The following TMEM178B variants were observed in gnomAD, a reference collection of about 807,000 sequenced individuals.
TMEM178B encodes the protein transmembrane protein 178B.
TMEM178B carries 5 observed loss-of-function variants against 31.0 expected under a neutral mutation model. That is an observed-to-expected ratio of 0.16 (90% CI 0.08 to 0.34). The LOEUF (loss-of-function observed/expected upper bound fraction) is 0.34, where lower values mean the gene tolerates loss of function less well. TMEM178B is among the 10% of genes least tolerant of loss of function. The pLI, the probability that TMEM178B is intolerant of heterozygous loss-of-function variation, is 1.00. For missense variants in TMEM178B, 275 were observed against 400.3 expected, an observed-to-expected ratio of 0.69 and a Z score of 2.67; for synonymous variants, 164 against 164.0, an observed-to-expected ratio of 1.00 and a Z score of 0.00.
intron 3 of TMEM178B, among the ~76,000 whole-genome samples, chr7:141,470,008 T>C (rs965520081): frequency 1.3e-5 from 2 of 152,200 alleles, no homozygotes; most frequent in Non-Finnish European, 2.9e-5. Flanking sequence ...AAATGTCTTA[T>C]AGGAAAAAGG....
Position 141,344,574 on chromosome 7 carries a change from CCCTTCCTTCCTTCCTT to C in TMEM178B, c.497-92994_497-92979del, listed in dbSNP as rs34831263. Among the ~76,000 whole-genome samples, 2,102 of 137,302 alleles carry C rather than the reference CCCTTCCTTCCTTCCTT, an allele frequency of 0.015. 44 individuals are homozygous for C. The highest frequency in any genetic ancestry group is 0.048 in the African/African-American group (1,733 of 36,142). 90.1% of individuals were successfully genotyped at this position (137,302 alleles called of 152,430 possible). On this transcript the variant is annotated intron_variant, in intron 2 of 3. Transcript: ENST00000565468. The surrounding 1 kb of genome is among the most constrained non-coding windows in gnomAD (Gnocchi z 4.1). ...CTCCCTCCCTCCATTCCTCCCTCCT[CCCTTCCTTCCTTCCTT>C]CCTTCCTTCCTTCCTTCCTTCCTTC...
intron 2 of TMEM178B, among the ~76,000 whole-genome samples, chr7:141,360,618 G>T (rs1472794853): frequency 1.3e-5 from 2 of 152,208 alleles, no homozygotes; most frequent in Non-Finnish European, 2.9e-5. Flanking sequence ...GCAGCCTAAT[G>T]TTTCTTTGCC....
rs551673959 is a variant in TMEM178B, at chr7:141,155,275, C to A, written c.383-57316C>A. Among the ~76,000 whole-genome samples, 6 of 152,302 alleles carry A rather than the reference C, an allele frequency of 3.9e-5. No homozygotes were observed. The South Asian group carries it at 1.2e-3, about 32-fold the overall frequency. On this transcript the variant is annotated intron_variant, in intron 1 of 3. Coordinates refer to ENST00000565468, the MANE Select transcript of TMEM178B (RefSeq NM_001195278.2). ...ACATGTGAGTCGGGTACTCATCATA[C>A]AGGGATGCAGCCCATGGGGCTCTTG...
At chr7:141,076,254 T>C (rs1024882616) in intron 1 of TMEM178B, among the ~76,000 whole-genome samples, 3 of 152,222 alleles carry the variant, frequency 2.0e-5, no homozygotes, top group Non-Finnish European at 4.4e-5. Context: ...TTTTTGACAA[T>C]GAGTGACCTT....
At chr7:141,447,645 A>G (rs564010583) in intron 3 of TMEM178B, among the ~76,000 whole-genome samples, 31 of 152,108 alleles carry the variant, frequency 2.0e-4, no homozygotes, top group African/African-American at 7.2e-4. Context: ...CTCTCTGGCT[A>G]TGTCAGCCTC....
chr7:141,499,914 A>C, the TMEM178B span, among the ~76,000 whole-genome samples: 2 of 152,244 alleles, frequency 1.3e-5, no homozygotes, highest in African/African-American at 4.8e-5. Flanking sequence ...AATGTGATGT[A>C]TCTTTAAAAA....
chr7:141,084,396 G>T, intron 1 of TMEM178B, among the ~76,000 whole-genome samples: 1 of 152,190 alleles, frequency 6.6e-6, no homozygotes, highest in Admixed American at 6.5e-5. Flanking sequence ...ACAATGCCAG[G>T]CACATTACTT....
chr7:141,441,874 G>A (rs2116689284), intron 3 of TMEM178B, among the ~76,000 whole-genome samples: 1 of 152,264 alleles, frequency 6.6e-6, no homozygotes, highest in South Asian at 2.1e-4. Context: ...GCAACAAATT[G>A]TTTAATGAAC....
At chr7:141,305,143 C>T (rs1370819192) in intron 2 of TMEM178B, among the ~76,000 whole-genome samples, 1 of 152,168 alleles carries the variant, frequency 6.6e-6, no homozygotes, top group African/African-American at 2.4e-5. Context: ...GCTTTCCAAA[C>T]TATGAACCTC....
At chr7:141,224,426 A>C (rs1328214453) in intron 2 of TMEM178B, among the ~76,000 whole-genome samples, 1 of 152,216 alleles carries the variant, frequency 6.6e-6, no homozygotes, top group Non-Finnish European at 1.5e-5. Flanking sequence ...ATACATTAGA[A>C]ACAAAACTTT....
chr7:141,169,445 C>G (rs937887091), intron 1 of TMEM178B, among the ~76,000 whole-genome samples: 20 of 152,226 alleles, frequency 1.3e-4, no homozygotes, highest in African/African-American at 4.8e-4. Context: ...TGGTCTACCA[C>G]TGATGAGTGT....
chr7:141,210,147 A>G (rs1331526074), intron 1 of TMEM178B, among the ~76,000 whole-genome samples: 2 of 152,094 alleles, frequency 1.3e-5, no homozygotes, highest in African/African-American at 4.8e-5. Flanking sequence ...TAATCTCCTC[A>G]TGCCTCCACT....
chr7:141,491,435 C>T, the TMEM178B span, among the ~76,000 whole-genome samples: 1 of 152,152 alleles, frequency 6.6e-6, no homozygotes, highest in Admixed American at 6.5e-5. Context: ...TATTTGCTCT[C>T]TCTAGATTCT....
Position 141,422,069 on chromosome 7 carries a change from T to C in TMEM178B, c.497-15539T>C, listed in dbSNP as rs1011694077. 6.6e-6 allele frequency among the ~76,000 whole-genome samples: 1 copy of C among 152,234 alleles called. No homozygotes were observed. The highest frequency in any genetic ancestry group is 1.5e-5 in the Non-Finnish European group (1 of 68,040). Reference sequence around the variant, plus strand: ...CTTTCCCAGCTCGGGCTTGACATTTTCTTAGAAACCTGCAATACGGAAAGA... The same window carrying C: ...CTTTCCCAGCTCGGGCTTGACATTTCCTTAGAAACCTGCAATACGGAAAGA... On this transcript the variant is annotated intron_variant, in intron 2 of 3. Transcript: ENST00000565468. This position sits in a 1 kb window ranked among gnomAD's most constrained non-coding sequence, Gnocchi z 4.2.
intron 2 of TMEM178B, among the ~76,000 whole-genome samples, chr7:141,433,330 T>C (rs1801472750): frequency 1.3e-5 from 2 of 152,176 alleles, no homozygotes; most frequent in Admixed American, 1.3e-4. Context: ...ATGGACCTGC[T>C]GGTGCCAGTT....
In TMEM178B at chr7:141,136,825, C is replaced by T. The variant is rs1335218109; in HGVS notation, c.382+62133C>T. Among the ~76,000 whole-genome samples, 3 of 152,056 alleles carry T rather than the reference C, an allele frequency of 2.0e-5. No individual in the cohort carries two copies. In the East Asian group the frequency reaches 5.8e-4, roughly 29 times the overall value. ...AGGCTGCAATGAGCTGTAATTGCAC[C>T]ACTGTACTCCAGCCTTGGTGACAGA... is the stretch of plus-strand genomic sequence containing the variant. On this transcript the variant is annotated intron_variant, in intron 1 of 3. Coordinates refer to ENST00000565468, the MANE Select transcript of TMEM178B (RefSeq NM_001195278.2).
At chr7:141,143,717 A>G (rs1304711932) in intron 1 of TMEM178B, among the ~76,000 whole-genome samples, 1 of 152,168 alleles carries the variant, frequency 6.6e-6, no homozygotes, top group Non-Finnish European at 1.5e-5. Context: ...TTGGGTCCAT[A>G]TAAATGTTAT....
At chr7:141,501,216 C>T in the TMEM178B span, among the ~76,000 whole-genome samples, 1 of 151,848 alleles carries the variant, frequency 6.6e-6, no homozygotes, top group African/African-American at 2.4e-5. Flanking sequence ...TGGACTCCCA[C>T]AGGTAGGTCT....
At chr7:141,347,405 T>C (rs780119762) in intron 2 of TMEM178B, among the ~76,000 whole-genome samples, 7 of 152,148 alleles carry the variant, frequency 4.6e-5, no homozygotes, top group Admixed American at 3.3e-4. Flanking sequence ...CCATGCCACA[T>C]TGGAGACAGG....
Sources: allele counts gnomAD v4.1 joint callset (sites outside exome capture counted in the v4.1 genomes callset), GRCh38; gene constraint gnomAD v4.1.1; non-coding constraint Gnocchi (gnomAD v3.1); transcripts MANE v1.5; gene names NCBI Gene and HGNC (gene_info 2026-07-23, HGNC 2026-07-21).